ALKBH3: variants seen among roughly 807,000 people sequenced by gnomAD.
ALKBH3 encodes the protein alkB homolog 3, alpha-ketoglutarate dependent dioxygenase, also known as alpha-ketoglutarate-dependent dioxygenase alkB homolog 3.
ALKBH3 carries 51 observed loss-of-function variants against 43.9 expected under a neutral mutation model. The observed-to-expected ratio is 1.16, with a 90% CI of 0.93 to 1.47. ALKBH3 has a LOEUF of 1.47. Among genes scored for constraint, ALKBH3 ranks in the 40% most tolerant of loss-of-function variants. ALKBH3 has a pLI of 0.00. For missense variants in ALKBH3, 361 were observed against 351.9 expected, an observed-to-expected ratio of 1.03 and a Z score of -0.21; for synonymous variants, 102 against 115.2, an observed-to-expected ratio of 0.89 and a Z score of 0.73.
At chr11:43,901,832 T>C in intron 8 of ALKBH3, 107 bp downstream of exon 8, 1 of 1,310,322 alleles carries the variant, frequency 7.6e-7, no homozygotes. Context: ...GGAATACACA[T>C]TTTGTTGATG....
At chr11:43,909,089 A>C (rs979244884) in intron 8 of ALKBH3, among the ~76,000 whole-genome samples, 3 of 152,170 alleles carry the variant, frequency 2.0e-5, no homozygotes, top group Non-Finnish European at 2.9e-5. Context: ...AAACTCAAAG[A>C]TCTGTATGTG....
intron 8 of ALKBH3, among the ~76,000 whole-genome samples, chr11:43,908,829 C>T (rs1455047128): frequency 6.6e-6 from 1 of 152,196 alleles, no homozygotes; most frequent in Non-Finnish European, 1.5e-5. Context: ...CAGTAGTCCG[C>T]CTGGTAGTTT....
chr11:43,892,370 TCTC>T (rs1951790104), intron 7 of ALKBH3, among the ~76,000 whole-genome samples: 1 of 152,160 alleles, frequency 6.6e-6, no homozygotes, highest in Admixed American at 6.5e-5. Context: ...AACTATTTCT[TCTC>T]CTAATATCCC....
chr11:43,892,168 T>G, intron 7 of ALKBH3, 39 bp downstream of exon 7: 2 of 1,498,950 alleles, frequency 1.3e-6, no homozygotes, highest in Non-Finnish European at 1.9e-6. Flanking sequence ...TTTTATAGAC[T>G]ATATACTATG....
At chr11:43,902,129 C>T (rs899532866) in intron 8 of ALKBH3, among the ~76,000 whole-genome samples, 8 of 152,144 alleles carry the variant, frequency 5.3e-5, no homozygotes, top group Admixed American at 1.3e-4. Context: ...CTAAGGAGGA[C>T]GTCCCTGAAG....
Position 43,889,715 on chromosome 11 carries a change from C to G in ALKBH3, c.267-10C>G. On this transcript the variant is annotated splice_polypyrimidine_tract_variant and intron_variant, in intron 5 of 9. Transcript: ENST00000302708. ...TGTTTTTTGGTTAACAATGTTCATT[C>G]TGCACCCAGGGTCTGTTTGTATCCT... The G allele has an allele frequency of 6.2e-7, 1 of 1,612,022 alleles. No homozygotes were observed. Among genetic ancestry groups the G allele is most frequent in the Non-Finnish European group, 8.5e-7 (1 of 1,178,226 alleles).
chr11:43,919,348 G>A (rs945824010), intron 9 of ALKBH3, among the ~76,000 whole-genome samples: 3 of 152,210 alleles, frequency 2.0e-5, no homozygotes, highest in Non-Finnish European at 4.4e-5. Flanking sequence ...TGATGAAAGT[G>A]TTCAGTATCT....
intron 7 of ALKBH3, chr11:43,899,403 C>T (rs141652665): frequency 4.8e-5 from 34 of 705,082 alleles, no homozygotes; most frequent in East Asian, 1.7e-4. Context: ...CAGATCTCTT[C>T]GCACAACTGT....
chr11:43,892,190 A>G (rs572226598), intron 7 of ALKBH3, 61 bp downstream of exon 7: 37 of 1,386,486 alleles, frequency 2.7e-5, no homozygotes, highest in Non-Finnish European at 2.0e-6. Flanking sequence ...GTTGAGTGCT[A>G]TAAAATAACA....
At chr11:43,910,626 T>C (rs192064332) in intron 8 of ALKBH3, 2 of 152,354 alleles carry the variant, frequency 1.3e-5, no homozygotes, top group East Asian at 3.9e-4. Flanking sequence ...GTTAACACCG[T>C]AAGTTATTTT....
intron 8 of ALKBH3, among the ~76,000 whole-genome samples, chr11:43,904,624 C>G (rs1376135297): frequency 6.6e-6 from 1 of 152,132 alleles, no homozygotes; most frequent in African/African-American, 2.4e-5. Context: ...TAGCTAAACT[C>G]GAAGTGCAGA....
chr11:43,906,431 T>G (rs1263154584), intron 8 of ALKBH3, among the ~76,000 whole-genome samples: 1 of 152,246 alleles, frequency 6.6e-6, no homozygotes, highest in Non-Finnish European at 1.5e-5. Context: ...GCTAGTACTA[T>G]GCAGGATTTC....
chr11:43,898,881 T>A, intron 7 of ALKBH3: 1 of 757,708 alleles, frequency 1.3e-6, no homozygotes, highest in South Asian at 1.4e-5. Flanking sequence ...TATTTCAGAT[T>A]TCCTGAGTGG....
intron 5 of ALKBH3, among the ~76,000 whole-genome samples, chr11:43,887,870 G>C (rs953751643): frequency 2.6e-5 from 4 of 151,082 alleles, no homozygotes; most frequent in Admixed American, 1.3e-4. Flanking sequence ...CTCACTGCAA[G>C]CTCCGCCTCC....
At chr11:43,916,246 A>G (rs1248932736) in intron 8 of ALKBH3, among the ~76,000 whole-genome samples, 1 of 152,204 alleles carries the variant, frequency 6.6e-6, no homozygotes, top group Non-Finnish European at 1.5e-5. Flanking sequence ...CCCAAATAGC[A>G]TTTTCTTAAA....
intron 6 of ALKBH3, among the ~76,000 whole-genome samples, chr11:43,891,308 C>T (rs952188605): frequency 2.6e-5 from 4 of 151,874 alleles, no homozygotes; most frequent in Non-Finnish European, 5.9e-5. Context: ...CTCTCTGATC[C>T]CTGGTTTTCT....
rs1952007989 is a variant in ALKBH3 at position 43,919,231 on chromosome 11, T to C, written c.768+95T>C. ...TAAGTAGACATGGTGAAAAGCAAGC[T>C]GCTTTTACAACGAGCAAGAGGGAAT... is the stretch of plus-strand genomic sequence containing the variant. On this transcript the variant is annotated intron_variant, in intron 9 of 9. Transcript: ENST00000302708. 4 of 1,089,376 alleles carry C rather than the reference T, an allele frequency of 3.7e-6. No individual in the cohort carries two copies. In the South Asian group the frequency reaches 5.2e-5, roughly 14 times the overall value. The allele number at this position is 1,089,376 out of a possible 1,614,324, so 67.5% of individuals were successfully genotyped here.
At chr11:43,893,519 GA>G (rs1181474766) in intron 7 of ALKBH3, among the ~76,000 whole-genome samples, 1 of 152,026 alleles carries the variant, frequency 6.6e-6, no homozygotes, top group Non-Finnish European at 1.5e-5. Context: ...TGTGCTTATT[GA>G]AAATTTAGAA....
intron 9 of ALKBH3, 98 bp downstream of exon 9, chr11:43,919,234 T>C (rs1952008033): frequency 4.8e-6 from 5 of 1,041,034 alleles, no homozygotes; most frequent in Non-Finnish European, 5.9e-6. Flanking sequence ...AGCAAGCTGC[T>C]TTTACAACGA....
Sources: gnomAD v4.1 joint callset for allele counts (sites outside exome capture counted in the v4.1 genomes callset) on GRCh38, gnomAD v4.1.1 for gene constraint, MANE v1.5 for transcripts, NCBI Gene and HGNC (gene_info 2026-07-23, HGNC 2026-07-21) for gene names.